The following NCKAP5 variants were observed in gnomAD, a reference collection of about 807,000 sequenced individuals.
The protein encoded by NCKAP5 is nck-associated protein 5.
A neutral mutation model predicts 167.0 loss-of-function variants in NCKAP5; 92 were observed. That is an observed-to-expected ratio of 0.55 (90% CI 0.47 to 0.66). NCKAP5 has a LOEUF of 0.66. Among genes scored for constraint, NCKAP5 ranks in the 30% least tolerant of loss-of-function variants. The pLI, the probability that NCKAP5 is intolerant of heterozygous loss-of-function variation, is 0.00. For missense variants in NCKAP5, 2,378 were observed against 2,315.0 expected (o/e 1.03, Z -0.56); for synonymous variants, 891 against 877.4 (o/e 1.02, Z -0.27).
chr2:132,974,537 A>G (rs1559008636), intron 7 of NCKAP5, among the ~76,000 whole-genome samples: 1 of 152,174 alleles, frequency 6.6e-6, no homozygotes, highest in Non-Finnish European at 1.5e-5. Context: ...TTGTTAGGTG[A>G]CCCGTTTAAT....
intron 1 of NCKAP5, among the ~76,000 whole-genome samples, chr2:133,567,657 CTGTGTGTGTGTGTGTGTG>C (rs3050985): frequency 4.6e-5 from 6 of 130,996 alleles, no homozygotes; most frequent in Admixed American, 2.3e-4. Flanking sequence ...ATGAATGAGC[CTGTGTGTGTGTGTGTGTG>C]TGTGTGTGTG....
At chr2:132,699,922 T>C (rs1449097364) in intron 19 of NCKAP5, among the ~76,000 whole-genome samples, 1 of 152,232 alleles carries the variant, frequency 6.6e-6, no homozygotes, top group Non-Finnish European at 1.5e-5. Context: ...TCCACAATGG[T>C]TGAACTAGCT....
the NCKAP5 span, among the ~76,000 whole-genome samples, chr2:133,660,120 A>G: frequency 6.6e-6 from 1 of 152,188 alleles, no homozygotes. Flanking sequence ...TTGTGTCCAC[A>G]TGTGTCTCAC....
At chr2:133,041,359 G>A (rs2079213132) in intron 6 of NCKAP5, among the ~76,000 whole-genome samples, 1 of 152,108 alleles carries the variant, frequency 6.6e-6, no homozygotes, top group Non-Finnish European at 1.5e-5. Context: ...AACAAGGACT[G>A]AATGACTACT....
intron 5 of NCKAP5, among the ~76,000 whole-genome samples, chr2:133,167,635 A>G (rs1215161449): frequency 6.6e-6 from 1 of 152,132 alleles, no homozygotes; most frequent in East Asian, 1.9e-4. Flanking sequence ...TGTTCTTTCA[A>G]CTGCACCATG....
intron 4 of NCKAP5, among the ~76,000 whole-genome samples, chr2:133,257,629 C>A (rs1366128669): frequency 3.3e-5 from 5 of 152,086 alleles, no homozygotes; most frequent in African/African-American, 1.2e-4. Flanking sequence ...AAAAGAAAAT[C>A]ATTATTCCGT....
chr2:133,084,361 T>C (rs543643904), intron 6 of NCKAP5, among the ~76,000 whole-genome samples: 3 of 152,218 alleles, frequency 2.0e-5, no homozygotes, highest in African/African-American at 4.8e-5. Context: ...AATATATACA[T>C]GCAAGAAACA....
chr2:132,706,400 C>G (rs1573939681), intron 19 of NCKAP5, among the ~76,000 whole-genome samples: 2 of 152,312 alleles, frequency 1.3e-5, no homozygotes, highest in African/African-American at 4.8e-5. Flanking sequence ...TTAGTACTGG[C>G]TAAATCACTG....
intron 3 of NCKAP5, among the ~76,000 whole-genome samples, chr2:133,418,971 A>C (rs948041757): frequency 1.3e-5 from 2 of 152,236 alleles, no homozygotes; most frequent in African/African-American, 4.8e-5. Flanking sequence ...AAATGAAGGC[A>C]AACTCAAAAG....
chr2:133,483,500 A>C (rs1401744825), intron 3 of NCKAP5, among the ~76,000 whole-genome samples: 2 of 151,740 alleles, frequency 1.3e-5, no homozygotes, highest in African/African-American at 4.8e-5. Context: ...GATTCTCCCC[A>C]CCCTCCTTGG....
chr2:132,950,133 G>A (rs281583), intron 8 of NCKAP5, among the ~76,000 whole-genome samples: 115,292 of 152,106 alleles, frequency 0.76, 44,101 homozygotes, highest in African/African-American at 0.82. Flanking sequence ...AATTACTTTA[G>A]TCTGTTCACT....
intron 3 of NCKAP5, among the ~76,000 whole-genome samples, chr2:133,515,505 A>G (rs139148357): frequency 1.5e-3 from 224 of 152,312 alleles, no homozygotes; most frequent in African/African-American, 4.5e-3. Context: ...GAGACTTAAC[A>G]GGATTAAGTC....
At chr2:132,844,710 T>A (rs1688542132) in intron 11 of NCKAP5, among the ~76,000 whole-genome samples, 1 of 152,142 alleles carries the variant, frequency 6.6e-6, no homozygotes, top group Non-Finnish European at 1.5e-5. Flanking sequence ...TTAGGCTGTT[T>A]CTATTAATTT....
intron 3 of NCKAP5, among the ~76,000 whole-genome samples, chr2:133,392,383 T>C (rs1404355588): frequency 6.6e-6 from 1 of 152,194 alleles, no homozygotes; most frequent in Non-Finnish European, 1.5e-5. Flanking sequence ...AAGTACACTC[T>C]GTGATGTCTG....
chr2:133,399,099 C>G (rs1332966376), intron 3 of NCKAP5, among the ~76,000 whole-genome samples: 1 of 152,166 alleles, frequency 6.6e-6, no homozygotes, highest in African/African-American at 2.4e-5. Flanking sequence ...GATGCATTTC[C>G]TTTTAGAGCA....
chr2:133,110,810 G>C (rs1340782875), intron 6 of NCKAP5, among the ~76,000 whole-genome samples: 1 of 152,168 alleles, frequency 6.6e-6, no homozygotes, highest in Non-Finnish European at 1.5e-5. Context: ...AGACTGGGGG[G>C]CTTCAACAAC....
chr2:132,812,877 C>G (rs1314355341), intron 11 of NCKAP5, among the ~76,000 whole-genome samples: 3 of 152,118 alleles, frequency 2.0e-5, no homozygotes, highest in Non-Finnish European at 4.4e-5. Flanking sequence ...CTCACTGTAT[C>G]CTCAAGTGGT....
At chr2:132,860,739 A>T (rs566311949) in intron 10 of NCKAP5, 128 bp from the exon 11 acceptor site, 8 of 1,187,724 alleles carry the variant, frequency 6.7e-6, no homozygotes, top group Non-Finnish European at 9.1e-6. Context: ...AGCCCCCAGA[A>T]GTAAATCACA....
intron 6 of NCKAP5, among the ~76,000 whole-genome samples, chr2:133,077,518 A>G (rs1218348921): frequency 6.6e-6 from 1 of 152,188 alleles, no homozygotes; most frequent in Admixed American, 6.5e-5. Context: ...TTCTGGTAAA[A>G]GCTAGAAAAA....
Sources: allele counts gnomAD v4.1 joint callset (sites outside exome capture counted in the v4.1 genomes callset), GRCh38; gene constraint gnomAD v4.1.1; transcripts MANE v1.5; gene names NCBI Gene and HGNC (gene_info 2026-07-23, HGNC 2026-07-21).